Variants in PRKCB observed in about 807,000 individuals in gnomAD.
PRKCB encodes protein kinase C beta type.
In PRKCB, 13 loss-of-function variants were observed where a neutral mutation model predicts 81.5. That is an observed-to-expected ratio of 0.16 (90% CI 0.10 to 0.25). The LOEUF is 0.25. Among genes scored for constraint, PRKCB ranks in the 10% least tolerant of loss-of-function variants. The pLI is 1.00. For missense variants in PRKCB, 509 were observed against 875.7 expected (o/e 0.58, Z 5.29); for synonymous variants, 335 against 321.4 (o/e 1.04, Z -0.45).
chr16:24,158,702 A>G (rs1015331941), intron 10 of PRKCB, among the ~76,000 whole-genome samples: 3 of 151,992 alleles, frequency 2.0e-5, no homozygotes, highest in African/African-American at 7.3e-5. Context: ...TCTGTGGCCC[A>G]GGCTTGAGTG....
At chr16:23,912,727 G>A (rs1438866678) in intron 2 of PRKCB, among the ~76,000 whole-genome samples, 1 of 150,674 alleles carries the variant, frequency 6.6e-6, no homozygotes, top group Non-Finnish European at 1.5e-5. Context: ...TGGGCAGGCT[G>A]GTCTCGAACT....
chr16:23,864,525 TACAA>T lies in PRKCB; in HGVS notation c.205+27129_205+27132del, dbSNP rs540393750. The stretch of plus-strand genomic sequence containing the variant: ...GTAACCTACAGATAATAAACAAGAT[TACAA>T]ACAAACAAAATAAGAGGTCGTTCTA... On this transcript the variant is annotated intron_variant, in intron 2 of 16. Transcript: ENST00000643927. Among the ~76,000 whole-genome samples, 172 of 152,236 alleles carry T rather than the reference TACAA, an allele frequency of 1.1e-3. 2 individuals carry two copies. The highest frequency in any genetic ancestry group is 0.01 in the Admixed American group (155 of 15,280).
At chr16:24,076,017 G>A (rs560866188) in intron 5 of PRKCB, among the ~76,000 whole-genome samples, 2 of 152,308 alleles carry the variant, frequency 1.3e-5, no homozygotes, top group South Asian at 4.1e-4. Flanking sequence ...ATGTATACAT[G>A]TGCCATGTTG....
At chr16:23,965,637 T>C (rs937248436) in intron 2 of PRKCB, among the ~76,000 whole-genome samples, 2 of 152,226 alleles carry the variant, frequency 1.3e-5, no homozygotes, top group African/African-American at 4.8e-5. Context: ...AGAAGGAAAG[T>C]GCCTCATCAA....
chr16:23,906,729 A>T (rs890852627), intron 2 of PRKCB, among the ~76,000 whole-genome samples: 1 of 152,066 alleles, frequency 6.6e-6, no homozygotes, highest in African/African-American at 2.4e-5. Context: ...TTTTTACCAG[A>T]TGGCCAGCCA....
chr16:24,061,847 A>C (rs1965976132), intron 5 of PRKCB, among the ~76,000 whole-genome samples: 10 of 151,452 alleles, frequency 6.6e-5, no homozygotes, highest in Admixed American at 5.3e-4. Context: ...GGAGCGACAA[A>C]GCAATCTAAA....
At chr16:24,201,154 T>G (rs897092483) in intron 16 of PRKCB, among the ~76,000 whole-genome samples, 3 of 152,160 alleles carry the variant, frequency 2.0e-5, no homozygotes, top group Non-Finnish European at 4.4e-5. Flanking sequence ...TCACTCCTGC[T>G]CTGGACTCCA....
chr16:24,061,926 A>C (rs1048432273), intron 5 of PRKCB, among the ~76,000 whole-genome samples: 7 of 148,796 alleles, frequency 4.7e-5, no homozygotes, highest in South Asian at 4.2e-4. Flanking sequence ...AAAAAAAAAA[A>C]AAAAAAACTT....
chr16:24,175,237 T>C (rs1967509382), intron 12 of PRKCB, among the ~76,000 whole-genome samples: 1 of 152,002 alleles, frequency 6.6e-6, no homozygotes, highest in South Asian at 2.1e-4. Flanking sequence ...CTTGGGCTGG[T>C]TTGTTATGCA....
chr16:24,175,634 G>T (rs922916377), intron 12 of PRKCB, among the ~76,000 whole-genome samples: 1 of 151,800 alleles, frequency 6.6e-6, no homozygotes, highest in African/African-American at 2.4e-5. Flanking sequence ...GGGGTGACTT[G>T]AGAGTCCTGG....
intron 3 of PRKCB, among the ~76,000 whole-genome samples, chr16:24,017,986 C>T (rs1965305358): frequency 6.6e-6 from 1 of 151,210 alleles, no homozygotes; most frequent in Non-Finnish European, 1.5e-5. Context: ...GCAAGCTCCA[C>T]CTCCTGGGTT....
chr16:24,195,774 C>G (rs1158600647), intron 16 of PRKCB, among the ~76,000 whole-genome samples: 1 of 152,202 alleles, frequency 6.6e-6, no homozygotes, highest in East Asian at 1.9e-4. Flanking sequence ...TCTATTGCTC[C>G]TTGGCATATA....
intron 5 of PRKCB, among the ~76,000 whole-genome samples, chr16:24,081,875 A>G (rs1462679847): frequency 6.6e-6 from 1 of 152,166 alleles, no homozygotes; most frequent in African/African-American, 2.4e-5. Context: ...TGTCTCAAAA[A>G]AGTAATAATA....
intron 14 of PRKCB, 53 bp from the exon 15 acceptor site, chr16:24,185,407 G>C: frequency 1.3e-6 from 2 of 1,519,340 alleles, no homozygotes; most frequent in Admixed American, 3.4e-5. Flanking sequence ...AGGGGAGCTA[G>C]GGGGAGGGTT....
intron 16 of PRKCB, among the ~76,000 whole-genome samples, chr16:24,209,931 C>T (rs745496585): frequency 5.3e-5 from 8 of 151,388 alleles, no homozygotes; most frequent in Admixed American, 2.0e-4. Flanking sequence ...TAGCAAGACC[C>T]CACACACACA....
intron 3 of PRKCB, among the ~76,000 whole-genome samples, chr16:24,017,516 A>G (rs1377942207): frequency 6.6e-6 from 1 of 152,210 alleles, no homozygotes; most frequent in East Asian, 1.9e-4. Flanking sequence ...ACACACACAC[A>G]CAGACACGCA....
intron 3 of PRKCB, among the ~76,000 whole-genome samples, chr16:24,007,104 C>A (rs762000930): frequency 1.3e-5 from 2 of 152,194 alleles, no homozygotes; most frequent in Non-Finnish European, 2.9e-5. Flanking sequence ...TGGCCACTAA[C>A]TAGCTGATAA....
chr16:24,004,272 A>G (rs1965083578), intron 3 of PRKCB, among the ~76,000 whole-genome samples: 1 of 152,164 alleles, frequency 6.6e-6, no homozygotes, highest in Admixed American at 6.5e-5. Context: ...TGTATAAAAG[A>G]TGCTTAAAGC....
intron 5 of PRKCB, among the ~76,000 whole-genome samples, chr16:24,073,331 C>A (rs914829333): frequency 2.0e-5 from 3 of 152,110 alleles, no homozygotes; most frequent in African/African-American, 7.2e-5. Flanking sequence ...ACATTTTTGC[C>A]ATTTTTATTT....
Sources: allele counts gnomAD v4.1 joint callset (sites outside exome capture counted in the v4.1 genomes callset), GRCh38; gene constraint gnomAD v4.1.1; transcripts MANE v1.5; gene names NCBI Gene and HGNC (gene_info 2026-07-23, HGNC 2026-07-21).